Variants in WDPCP observed in about 807,000 individuals in gnomAD.
WDPCP encodes the protein WD repeat-containing and planar cell polarity effector protein fritz homolog.
WDPCP carries 71 observed loss-of-function variants against 93.1 expected under a neutral mutation model. That is an observed-to-expected ratio of 0.76 (90% confidence interval 0.63 to 0.93). The LOEUF (loss-of-function observed/expected upper bound fraction) is 0.93. Ranked by LOEUF, WDPCP falls within the 40% of genes least tolerant of loss-of-function variation. The pLI is 0.00. For missense variants in WDPCP, 844 were observed against 887.4 expected, an observed-to-expected ratio of 0.95 and a Z score of 0.62; for synonymous variants, 315 against 315.0, an observed-to-expected ratio of 1.00 and a Z score of 0.00.
chr2:63,622,066 C>CT (rs33925505), intron 3 of WDPCP: 4,856 of 528,140 alleles, frequency 9.2e-3, no homozygotes, highest in Non-Finnish European at 0.011. Context: ...TTTCTTTTTT[C>CT]TTTTTTTTTT....
intron 9 of WDPCP, among the ~76,000 whole-genome samples, chr2:63,418,052 A>G (rs1695562254): frequency 6.6e-6 from 1 of 152,142 alleles, no homozygotes; most frequent in South Asian, 2.1e-4. Context: ...ATATAAAGAC[A>G]AAAATATGTG....
At chr2:63,474,882 C>G (rs1402633576) in intron 6 of WDPCP, among the ~76,000 whole-genome samples, 1 of 152,064 alleles carries the variant, frequency 6.6e-6, no homozygotes, top group East Asian at 1.9e-4. Flanking sequence ...AAGTAAATGT[C>G]TGCACAGTAA....
intron 12 of WDPCP, among the ~76,000 whole-genome samples, chr2:63,357,132 T>A (rs1431469992): frequency 6.6e-6 from 1 of 152,170 alleles, no homozygotes; most frequent in East Asian, 1.9e-4. Context: ...CAAGATGGAT[T>A]AAAGACTTAA....
intron 12 of WDPCP, among the ~76,000 whole-genome samples, chr2:63,335,978 T>C (rs565210794): frequency 4.3e-4 from 66 of 152,248 alleles, no homozygotes; most frequent in African/African-American, 1.5e-3. Flanking sequence ...AGTTTACAAA[T>C]GCCATGACAA....
At chr2:63,180,681 C>T (rs1363505597) in intron 14 of WDPCP, among the ~76,000 whole-genome samples, 1 of 151,852 alleles carries the variant, frequency 6.6e-6, no homozygotes, top group African/African-American at 2.4e-5. Flanking sequence ...ATTATTTTTC[C>T]TTTGGGTAGA....
chr2:63,391,266 C>G (rs778371109), intron 10 of WDPCP, among the ~76,000 whole-genome samples: 1 of 152,138 alleles, frequency 6.6e-6, no homozygotes, highest in Non-Finnish European at 1.5e-5. Flanking sequence ...TAATCCATCA[C>G]ATAAACAGAA....
chr2:63,280,201 C>T (rs1403053289), intron 13 of WDPCP, among the ~76,000 whole-genome samples: 1 of 152,012 alleles, frequency 6.6e-6, no homozygotes, highest in African/African-American at 2.4e-5. Context: ...AAAGTGGGAA[C>T]AAAAAGAAGT....
chr2:63,827,596 A>G (rs1671133243), intron 1 of WDPCP: 1 of 152,198 alleles, frequency 6.6e-6, no homozygotes, highest in African/African-American at 2.4e-5. Flanking sequence ...AATGGCCTAA[A>G]CGAATAAAAA....
At chr2:63,409,697 A>G (rs1425442940) in intron 9 of WDPCP, among the ~76,000 whole-genome samples, 1 of 152,184 alleles carries the variant, frequency 6.6e-6, no homozygotes, top group Admixed American at 6.5e-5. Flanking sequence ...GAGCTTAAAG[A>G]AAAAACAGTG....
intron 3 of WDPCP, among the ~76,000 whole-genome samples, chr2:63,648,632 AC>A (rs1710078344): frequency 6.6e-6 from 1 of 152,192 alleles, no homozygotes. Flanking sequence ...AAATGTATAG[AC>A]TTTTGTGTCT....
At chr2:63,508,860 T>C (rs539196583) in intron 1 of WDPCP, among the ~76,000 whole-genome samples, 12 of 152,050 alleles carry the variant, frequency 7.9e-5, no homozygotes, top group Admixed American at 6.6e-4. Flanking sequence ...TGGTAAAGGG[T>C]TGAATTCATC....
At chr2:63,489,981 A>C (rs1700780989) in intron 2 of WDPCP, among the ~76,000 whole-genome samples, 1 of 152,092 alleles carries the variant, frequency 6.6e-6, no homozygotes, top group Non-Finnish European at 1.5e-5. Flanking sequence ...ACCACCTGAT[A>C]GGATGCATTG....
intron 13 of WDPCP, among the ~76,000 whole-genome samples, chr2:63,311,610 C>A (rs1208269672): frequency 1.3e-5 from 2 of 152,234 alleles, no homozygotes; most frequent in Admixed American, 1.3e-4. Context: ...TTTAGATTTT[C>A]ATCTTTTATG....
chr2:63,330,867 C>CT (rs70965119), intron 12 of WDPCP, among the ~76,000 whole-genome samples: 1,036 of 86,824 alleles, frequency 0.012, 15 homozygotes, highest in African/African-American at 0.016. Context: ...TTCCCCAAGG[C>CT]TTTTTTTTTT....
intron 6 of WDPCP, 55 bp from the exon 7 acceptor site, chr2:63,439,926 C>A: frequency 7.4e-7 from 1 of 1,346,102 alleles, no homozygotes; most frequent in South Asian, 1.2e-5. Context: ...GATTTAGAAT[C>A]TTTAAAAAAC....
At chr2:63,706,834 T>C (rs1447362658) in intron 2 of WDPCP, among the ~76,000 whole-genome samples, 1 of 151,922 alleles carries the variant, frequency 6.6e-6, no homozygotes, top group African/African-American at 2.4e-5. Flanking sequence ...GCCAGGATGG[T>C]CTCGATCTCC....
rs1309782089 is a variant in WDPCP, at chr2:63,119,944, C to CTT, written c.*2060_*2061dup. 6.6e-6 allele frequency among the ~76,000 whole-genome samples: 1 copy of CTT among 152,130 alleles called. No individual in the cohort carries two copies. Among genetic ancestry groups the CTT allele is most frequent in the Non-Finnish European group, 1.5e-5 (1 of 68,010 alleles). On this transcript the variant is annotated 3_prime_UTR_variant, in exon 18 of 18. Transcript: ENST00000272321. Reference sequence around the variant, plus strand: ...TAAACTTGGTTTTCTGTACATTTAACTTTTCTAGAGGTATGTGAAGTGGGG... The same window carrying CTT: ...TAAACTTGGTTTTCTGTACATTTAACTTTTTTCTAGAGGTATGTGAAGTGGGG...
At chr2:63,641,218 G>C (rs539341148) in intron 3 of WDPCP, among the ~76,000 whole-genome samples, 4 of 152,236 alleles carry the variant, frequency 2.6e-5, no homozygotes, top group Admixed American at 2.6e-4. Flanking sequence ...CCATTCATCT[G>C]TTGAGGGACA....
At chr2:63,756,254 G>T (rs1669966869) in intron 2 of WDPCP, among the ~76,000 whole-genome samples, 1 of 152,150 alleles carries the variant, frequency 6.6e-6, no homozygotes, top group African/African-American at 2.4e-5. Flanking sequence ...AAGTAAGTTT[G>T]CTTGACTACA....
Sources: allele counts gnomAD v4.1 joint callset (sites outside exome capture counted in the v4.1 genomes callset), GRCh38; gene constraint gnomAD v4.1.1; transcripts MANE v1.5; gene names NCBI Gene and HGNC (gene_info 2026-07-23, HGNC 2026-07-21).